Variants in PLCB1 observed in about 807,000 individuals in gnomAD.
The protein encoded by PLCB1 is 1-phosphatidylinositol 4,5-bisphosphate phosphodiesterase beta-1.
Under a neutral mutation model 161.8 loss-of-function variants are expected in PLCB1, and 46 were observed. The ratio of observed to expected loss-of-function variants is 0.28; its 90% CI spans 0.22 to 0.36. The LOEUF is 0.36. Ranked by LOEUF, PLCB1 falls within the 10% of genes least tolerant of loss-of-function variation. The pLI is 1.00. For missense variants in PLCB1, 1,016 were observed against 1,472.5 expected (o/e 0.69, Z 5.07); for synonymous variants, 517 against 503.7 (o/e 1.03, Z -0.35).
At position 8,725,835 on chromosome 20, in the gene PLCB1, A is replaced by G. The variant is rs138232959; in HGVS notation, c.1678+1083A>G. On this transcript the variant is annotated intron_variant, in intron 16 of 31. Transcript: ENST00000338037. The stretch of plus-strand genomic sequence containing the variant: ...TTTAGATTCTTCAGAACCTGGAAAC[A>G]ACAGCACCAGCTAGACTCACAAACA... Among the ~76,000 whole-genome samples, 44 of 152,312 alleles carry G rather than the reference A, an allele frequency of 2.9e-4. No individual in the cohort carries two copies. The East Asian group carries it at 7.9e-3, about 27-fold the overall frequency.
intron 11 of PLCB1, among the ~76,000 whole-genome samples, chr20:8,700,066 T>C (rs190337488): frequency 6.6e-6 from 1 of 152,346 alleles, no homozygotes; most frequent in Admixed American, 6.5e-5. Context: ...AGTTGGGCTC[T>C]TTAAGAAAAA....
intron 3 of PLCB1, among the ~76,000 whole-genome samples, chr20:8,431,532 A>C (rs1397720789): frequency 1.3e-5 from 2 of 152,174 alleles, no homozygotes; most frequent in Non-Finnish European, 2.9e-5. Flanking sequence ...TTTGCCACCA[A>C]AGGAGTTTGC....
intron 2 of PLCB1, among the ~76,000 whole-genome samples, chr20:8,185,975 C>T (rs1182339536): frequency 6.6e-6 from 1 of 152,164 alleles, no homozygotes; most frequent in Non-Finnish European, 1.5e-5. Context: ...ATCTTTTGGT[C>T]TCACTTGTTT....
At chr20:8,600,990 G>A (rs536786354) in intron 3 of PLCB1, among the ~76,000 whole-genome samples, 40 of 150,968 alleles carry the variant, frequency 2.6e-4, no homozygotes, top group African/African-American at 6.1e-4. Context: ...ACTGACCTGC[G>A]CCCACTGTCT....
At chr20:8,664,111 G>A (rs1416718533) in intron 9 of PLCB1, among the ~76,000 whole-genome samples, 1 of 151,988 alleles carries the variant, frequency 6.6e-6, no homozygotes, top group African/African-American at 2.4e-5. Context: ...GAGATCAGGT[G>A]TTCATGAGTG....
chr20:8,488,283 G>A (rs775969470), intron 3 of PLCB1, among the ~76,000 whole-genome samples: 17 of 151,854 alleles, frequency 1.1e-4, no homozygotes, highest in Non-Finnish European at 2.2e-4. Context: ...AAAAAGGTAA[G>A]GTAGATTATT....
intron 2 of PLCB1, among the ~76,000 whole-genome samples, chr20:8,286,635 T>C (rs1983136406): frequency 6.6e-6 from 1 of 152,188 alleles, no homozygotes; most frequent in African/African-American, 2.4e-5. Flanking sequence ...GTGTGCTCTT[T>C]GTCCATTCCT....
intron 3 of PLCB1, among the ~76,000 whole-genome samples, chr20:8,417,721 G>A (rs544899209): frequency 6.6e-6 from 1 of 152,254 alleles, no homozygotes; most frequent in African/African-American, 2.4e-5. Flanking sequence ...TGTTCTCAAT[G>A]GACTCCCATG....
intron 23 of PLCB1, among the ~76,000 whole-genome samples, chr20:8,743,956 T>C (rs1175793399): frequency 6.6e-6 from 1 of 152,172 alleles, no homozygotes; most frequent in Non-Finnish European, 1.5e-5. Context: ...CCTGCTTTAC[T>C]TAATAGCATA....
intron 31 of PLCB1, among the ~76,000 whole-genome samples, chr20:8,844,893 G>C (rs536817309): frequency 6.6e-6 from 1 of 151,994 alleles, no homozygotes; most frequent in African/African-American, 2.4e-5. Flanking sequence ...GGCGGATCAC[G>C]AGATCAGGAG....
intron 2 of PLCB1, among the ~76,000 whole-genome samples, chr20:8,335,037 G>C (rs1379657508): frequency 6.6e-6 from 1 of 152,140 alleles, no homozygotes; most frequent in Non-Finnish European, 1.5e-5. Flanking sequence ...AATGAATGAA[G>C]CTCTATTCAT....
At position 8,345,140 on chromosome 20, in the gene PLCB1, C is replaced by T. The variant is rs551106455; in HGVS notation, c.178-26242C>T. ...AAGTTGGCTCTTCTTTCACTCTTCA[C>T]GAAGCCTTAGTAGGAAAAAGGAAAG... On this transcript the variant is annotated intron_variant, in intron 2 of 31. Transcript: ENST00000338037. Among the ~76,000 whole-genome samples, 7 of 152,296 alleles carry T rather than the reference C, an allele frequency of 4.6e-5. No homozygotes were observed. The Middle Eastern group carries it at 0.014, about 296-fold the overall frequency.
intron 2 of PLCB1, among the ~76,000 whole-genome samples, chr20:8,232,274 C>A (rs1980094702): frequency 6.6e-6 from 1 of 152,042 alleles, no homozygotes; most frequent in African/African-American, 2.4e-5. Context: ...TCAGATTCCT[C>A]ATTTTTTTCT....
chr20:8,782,451 G>T (rs1268265287), intron 27 of PLCB1, among the ~76,000 whole-genome samples: 10 of 152,164 alleles, frequency 6.6e-5, no homozygotes. Context: ...GGAGGGCAGT[G>T]GTACAAACTT....
chr20:8,839,735 T>TA (rs71331333), intron 31 of PLCB1, among the ~76,000 whole-genome samples: 2,817 of 108,844 alleles, frequency 0.026, 107 homozygotes, highest in African/African-American at 0.074. Context: ...TAGTAATTCT[T>TA]AAAAAAAAAA....
intron 2 of PLCB1, among the ~76,000 whole-genome samples, chr20:8,167,573 C>A (rs1039403387): frequency 6.6e-6 from 1 of 152,154 alleles, no homozygotes; most frequent in African/African-American, 2.4e-5. Context: ...AAAGTAATTT[C>A]TTTCCACTAG....
chr20:8,724,522 T>C, intron 15 of PLCB1, 134 bp from the exon 16 acceptor site: 1 of 655,658 alleles, frequency 1.5e-6, no homozygotes. Flanking sequence ...CTGTAATGAA[T>C]TTTCATTTTG....
intron 2 of PLCB1, among the ~76,000 whole-genome samples, chr20:8,260,708 C>T (rs887041826): frequency 1.3e-5 from 2 of 152,126 alleles, no homozygotes; most frequent in African/African-American, 4.8e-5. Context: ...GCATAGCATG[C>T]CCATCCAAAG....
chr20:8,644,669 C>T (rs1989097549), intron 4 of PLCB1, among the ~76,000 whole-genome samples: 1 of 151,790 alleles, frequency 6.6e-6, no homozygotes, highest in South Asian at 2.1e-4. Context: ...TGAGGAGCGT[C>T]TCCGCCCGGC....
Sources: allele counts gnomAD v4.1 joint callset (sites outside exome capture counted in the v4.1 genomes callset), GRCh38; gene constraint gnomAD v4.1.1; transcripts MANE v1.5; gene names NCBI Gene and HGNC (gene_info 2026-07-23, HGNC 2026-07-21).